LRP1B: variants seen among roughly 807,000 people sequenced by gnomAD.
The protein encoded by LRP1B is low-density lipoprotein receptor-related protein 1B.
Under a neutral mutation model 556.6 loss-of-function variants are expected in LRP1B, and 217 were observed. The ratio of observed to expected loss-of-function variants is 0.39; its 90% CI spans 0.35 to 0.44. The LOEUF (loss-of-function observed/expected upper bound fraction) is 0.44. Ranked by LOEUF, LRP1B falls within the 20% of genes least tolerant of loss-of-function variation. The pLI is 1.00. For missense variants in LRP1B, 5,053 were observed against 5,620.8 expected, an observed-to-expected ratio of 0.90 and a Z score of 3.23; for synonymous variants, 2,047 against 1,865.8, an observed-to-expected ratio of 1.10 and a Z score of -2.50.
chr2:141,247,148 C>T lies in LRP1B; in HGVS notation c.592+78G>A, dbSNP rs981977027. On this transcript the variant is annotated intron_variant, in intron 5 of 90. Transcript: ENST00000389484. ...TTCAAAGTCCATATTTCTGCTATAC[C>T]ACATCTCTAATGAAAAAGAATTGTA... The T allele has an allele frequency of 9.2e-6, 14 of 1,525,286 alleles. No homozygotes were observed. In the African/African-American group the frequency reaches 1.9e-4, roughly 21 times the overall value. 94.5% of individuals were successfully genotyped at this position (1,525,286 alleles called of 1,614,324 possible). A position where few individuals can be genotyped will look rare whatever the true frequency, so the allele number is the denominator to read the frequency against.
chr2:140,356,933 T>C (rs2105131905), intron 74 of LRP1B, among the ~76,000 whole-genome samples: 1 of 151,930 alleles, frequency 6.6e-6, no homozygotes, highest in South Asian at 2.1e-4. Context: ...CTCAAGCAAG[T>C]TGTCTAAATC....
At chr2:142,082,168 T>C (rs1705742890) in intron 1 of LRP1B, among the ~76,000 whole-genome samples, 1 of 152,284 alleles carries the variant, frequency 6.6e-6, no homozygotes, top group Non-Finnish European at 1.5e-5. Context: ...TCAAGAAATA[T>C]TGAAGAAAAT....
intron 2 of LRP1B, among the ~76,000 whole-genome samples, chr2:141,621,126 C>T (rs1688493242): frequency 1.3e-5 from 2 of 152,092 alleles, no homozygotes; most frequent in South Asian, 4.2e-4. Context: ...GAGCTCCAAC[C>T]CTCATATGTT....
At chr2:140,868,780 G>C (rs2105158088) in intron 25 of LRP1B, among the ~76,000 whole-genome samples, 1 of 152,158 alleles carries the variant, frequency 6.6e-6, no homozygotes, top group East Asian at 1.9e-4. Context: ...AATTATTCTG[G>C]ATTTTATATT....
intron 2 of LRP1B, among the ~76,000 whole-genome samples, chr2:141,606,064 C>T (rs17735650): frequency 0.08 from 12,153 of 152,204 alleles, 570 homozygotes; most frequent in South Asian, 0.13. Flanking sequence ...CTTTCATACA[C>T]GTCCGTGCTA....
At chr2:141,782,095 A>G (rs1489008928) in intron 2 of LRP1B, among the ~76,000 whole-genome samples, 1 of 152,150 alleles carries the variant, frequency 6.6e-6, no homozygotes, top group Non-Finnish European at 1.5e-5. Context: ...TGATACTTAA[A>G]TATTAAATTA....
At chr2:141,111,588 T>A (rs535629612) in intron 7 of LRP1B, among the ~76,000 whole-genome samples, 1 of 152,072 alleles carries the variant, frequency 6.6e-6, no homozygotes, top group African/African-American at 2.4e-5. Context: ...CCCACATGCA[T>A]ACTAGGGGAA....
intron 60 of LRP1B, among the ~76,000 whole-genome samples, chr2:140,472,437 G>A (rs1255923583): frequency 6.6e-6 from 1 of 152,054 alleles, no homozygotes; most frequent in African/African-American, 2.4e-5. Context: ...TTAGGGAGAG[G>A]TTCATGTGAC....
chr2:141,452,856 C>T (rs1336798408), intron 3 of LRP1B, among the ~76,000 whole-genome samples: 3 of 152,174 alleles, frequency 2.0e-5, no homozygotes, highest in Non-Finnish European at 4.4e-5. Flanking sequence ...TGTAACTACT[C>T]TTTTACCATG....
At chr2:140,620,979 T>G (rs1471667005) in intron 41 of LRP1B, among the ~76,000 whole-genome samples, 1 of 152,122 alleles carries the variant, frequency 6.6e-6, no homozygotes, top group Non-Finnish European at 1.5e-5. Flanking sequence ...ATATTAAAAT[T>G]TGTTAATGTT....
chr2:141,550,051 C>T (rs891841372), intron 2 of LRP1B, among the ~76,000 whole-genome samples: 3 of 152,138 alleles, frequency 2.0e-5, no homozygotes, highest in African/African-American at 7.2e-5. Flanking sequence ...AGAACTTACA[C>T]AAAACAATCC....
intron 29 of LRP1B, among the ~76,000 whole-genome samples, chr2:140,848,226 A>G (rs1429359): frequency 0.8 from 121,011 of 152,118 alleles, 48,680 homozygotes; most frequent in Non-Finnish European, 0.85. Context: ...ATCAGTCATT[A>G]TTGTTCTTTT....
At chr2:141,946,828 G>A (rs1246006060) in intron 1 of LRP1B, among the ~76,000 whole-genome samples, 1 of 152,030 alleles carries the variant, frequency 6.6e-6, no homozygotes, top group Admixed American at 6.6e-5. Flanking sequence ...ATTTTTTAAA[G>A]TAACTTTAAT....
intron 7 of LRP1B, among the ~76,000 whole-genome samples, chr2:141,152,699 T>C (rs1181063646): frequency 6.6e-6 from 1 of 151,832 alleles, no homozygotes; most frequent in Non-Finnish European, 1.5e-5. Context: ...CATATATTAT[T>C]ATATAATACC....
rs1272252794 is a variant in LRP1B, at chr2:140,238,245, T to A, written c.13467A>T (p.Glu4489Asp). The A allele has an allele frequency of 6.3e-7, 1 of 1,583,840 alleles. No homozygotes were observed. Residue 4489 changes from glutamate (E) to aspartate (D), a missense_variant, in exon 89 of 91, where the codon GAA (glutamate) becomes GAT (aspartate). Physicochemically the swap from Glu to Asp is conservative, Grantham distance 45. This residue lies in a region of LRP1B where 551 missense variants were observed against 592.0 expected (regional missense o/e 0.93). Coordinates refer to ENST00000389484, the MANE Select transcript of LRP1B (RefSeq NM_018557.3). ...QPIINGGINV[E>D]IGNPSYNMYE... ...ACATGTTATAAGATGGATTGCCAAT[T>A]TCTACATTTATTCCTCCATTGATAA...
chr2:141,005,555 G>A (rs978896389), intron 14 of LRP1B, 98 bp from the exon 15 acceptor site: 32 of 988,202 alleles, frequency 3.2e-5, no homozygotes, highest in Non-Finnish European at 4.1e-5. Flanking sequence ...TATATGCTAT[G>A]TATATTATAT....
intron 32 of LRP1B, among the ~76,000 whole-genome samples, chr2:140,777,457 C>T (rs1413659792): frequency 6.6e-6 from 1 of 152,164 alleles, no homozygotes; most frequent in African/African-American, 2.4e-5. Context: ...GAAACTAAAC[C>T]TACAAGTCAC....
At chr2:140,651,503 T>TAA (rs200814474) in intron 41 of LRP1B, among the ~76,000 whole-genome samples, 1 of 96,206 alleles carries the variant, frequency 1.0e-5, no homozygotes, top group Non-Finnish European at 2.1e-5. Context: ...AAAGTATAAT[T>TAA]AAAAAAAAAC....
chr2:141,464,669 T>G (rs1390440374), intron 3 of LRP1B, among the ~76,000 whole-genome samples: 2 of 147,672 alleles, frequency 1.4e-5, no homozygotes, highest in Non-Finnish European at 3.0e-5. Flanking sequence ...CCTGACCTAG[T>G]GATCCACCCG....
Sources: allele counts gnomAD v4.1 joint callset (sites outside exome capture counted in the v4.1 genomes callset), GRCh38; gene constraint gnomAD v4.1.1; regional missense constraint gnomAD v4.1.1; transcripts MANE v1.5; gene names NCBI Gene and HGNC (gene_info 2026-07-23, HGNC 2026-07-21).